The following ZFR variants were observed in gnomAD, a reference collection of about 807,000 sequenced individuals.
ZFR encodes zinc finger RNA binding protein.
A neutral mutation model predicts 130.7 loss-of-function variants in ZFR; 19 were observed. The observed-to-expected ratio is 0.15, with a 90% CI of 0.10 to 0.21. The LOEUF is 0.21. Among genes scored for constraint, ZFR ranks in the 10% least tolerant of loss-of-function variants. The pLI, the probability that ZFR is intolerant of heterozygous loss-of-function variation, is 1.00. For missense variants in ZFR, 872 were observed against 1,321.5 expected, an observed-to-expected ratio of 0.66 and a Z score of 5.27; for synonymous variants, 466 against 456.9, an observed-to-expected ratio of 1.02 and a Z score of -0.25.
chr5:32,406,645 C>G, intron 6 of ZFR, 129 bp downstream of exon 6: 1 of 1,291,828 alleles, frequency 7.7e-7, no homozygotes, highest in Non-Finnish European at 1.0e-6. Context: ...ATACAAGTAA[C>G]TTAAAAAATG....
intron 19 of ZFR, among the ~76,000 whole-genome samples, chr5:32,363,716 C>A (rs1226434284): frequency 6.6e-6 from 1 of 152,038 alleles, no homozygotes; most frequent in South Asian, 2.1e-4. Context: ...TTATAATATA[C>A]AATACACTTA....
At chr5:32,436,522 C>A (rs1239786242) in intron 2 of ZFR, among the ~76,000 whole-genome samples, 1 of 152,130 alleles carries the variant, frequency 6.6e-6, no homozygotes, top group Non-Finnish European at 1.5e-5. Context: ...ATATGCCAGG[C>A]ACTGTACTTT....
At chr5:32,379,751 C>A in intron 16 of ZFR, 1 of 210,820 alleles carries the variant, frequency 4.7e-6, no homozygotes, top group East Asian at 1.1e-4. Flanking sequence ...CAAAGTTAAT[C>A]TGCAGCCTTA....
At chr5:32,392,313 A>G (rs1009417298) in intron 11 of ZFR, among the ~76,000 whole-genome samples, 1 of 152,238 alleles carries the variant, frequency 6.6e-6, no homozygotes, top group Non-Finnish European at 1.5e-5. Flanking sequence ...GAAAGAGGAA[A>G]GCACTGTATA....
At chr5:32,401,835 C>A (rs1037093835) in intron 8 of ZFR, among the ~76,000 whole-genome samples, 2 of 151,940 alleles carry the variant, frequency 1.3e-5, no homozygotes, top group South Asian at 2.1e-4. Context: ...GCAATGGCAA[C>A]GAAGAAGTTT....
chr5:32,420,517 T>C (rs1753929574), intron 2 of ZFR, among the ~76,000 whole-genome samples: 1 of 152,168 alleles, frequency 6.6e-6, no homozygotes, highest in African/African-American at 2.4e-5. Context: ...AAAGAAACCA[T>C]AAGAAAAATA....
chr5:32,361,706 C>T (rs1752437229), intron 19 of ZFR, among the ~76,000 whole-genome samples: 1 of 150,614 alleles, frequency 6.6e-6, no homozygotes, highest in South Asian at 2.1e-4. Flanking sequence ...GCAACCTGTG[C>T]CTCCTGGGTT....
At chr5:32,394,737 A>ATG (rs1334643171) in intron 11 of ZFR, among the ~76,000 whole-genome samples, 3 of 152,206 alleles carry the variant, frequency 2.0e-5, no homozygotes, top group African/African-American at 7.2e-5. Flanking sequence ...ATATATATAT[A>ATG]AACAAATATT....
chr5:32,405,884 T>C (rs1753569866), intron 6 of ZFR, among the ~76,000 whole-genome samples: 1 of 152,124 alleles, frequency 6.6e-6, no homozygotes, highest in Non-Finnish European at 1.5e-5. Context: ...CAGGGAATGT[T>C]AGAAACTGAA....
chr5:32,358,852 T>G (rs2111646438), intron 19 of ZFR, among the ~76,000 whole-genome samples: 1 of 152,272 alleles, frequency 6.6e-6, no homozygotes, highest in East Asian at 1.9e-4. Context: ...AGGCAAACTT[T>G]GGCACTGAAT....
At chr5:32,381,553 T>C (rs1185142160) in intron 15 of ZFR, among the ~76,000 whole-genome samples, 1 of 152,150 alleles carries the variant, frequency 6.6e-6, no homozygotes, top group African/African-American at 2.4e-5. Flanking sequence ...GATAAAAGTA[T>C]GAAAAAGTTA....
At chr5:32,365,321 AG>A (rs1159168917) in intron 17 of ZFR, among the ~76,000 whole-genome samples, 1 of 152,192 alleles carries the variant, frequency 6.6e-6, no homozygotes, top group Non-Finnish European at 1.5e-5. Flanking sequence ...ATTTATCAGA[AG>A]TAAAAACTGC....
intron 5 of ZFR, among the ~76,000 whole-genome samples, chr5:32,412,788 G>T (rs1753739474): frequency 6.6e-6 from 1 of 152,186 alleles, no homozygotes; most frequent in African/African-American, 2.4e-5. Flanking sequence ...TAAGAGAAAG[G>T]AGAGATAAAG....
chr5:32,415,275 G>A (rs1753794808), intron 4 of ZFR, 88 bp from the exon 5 acceptor site: 2 of 1,162,450 alleles, frequency 1.7e-6, no homozygotes, highest in South Asian at 3.0e-5. Flanking sequence ...GAAAGAATAG[G>A]TACAAACATC....
chr5:32,398,907 C>T (rs1282237020), intron 9 of ZFR, among the ~76,000 whole-genome samples: 4 of 151,892 alleles, frequency 2.6e-5, no homozygotes, highest in Admixed American at 1.3e-4. Flanking sequence ...CAATTACAGG[C>T]GTGAGCCACT....
chr5:32,409,249 C>T (rs1753646260), intron 5 of ZFR, among the ~76,000 whole-genome samples: 1 of 152,106 alleles, frequency 6.6e-6, no homozygotes, highest in Admixed American at 6.5e-5. Flanking sequence ...GGTCAGTTTA[C>T]CAGTTTTCAG....
chr5:32,391,295 C>A lies in ZFR; in HGVS notation c.1980-858G>T, dbSNP rs552807206. ...CATATACAGGGTTTGGTACAACCTG[C>A]GATTTTAGGTATCCACTGGTGGTCT... On this transcript the variant is annotated intron_variant, in intron 11 of 19. Coordinates refer to ENST00000265069, the MANE Select transcript of ZFR (RefSeq NM_016107.5). Among the ~76,000 whole-genome samples, 6 of 152,268 alleles carry A rather than the reference C, an allele frequency of 3.9e-5. No individual in the cohort carries two copies. The South Asian group carries it at 6.2e-4, about 16-fold the overall frequency.
chr5:32,410,219 T>C (rs1191117478), intron 5 of ZFR, among the ~76,000 whole-genome samples: 2 of 137,966 alleles, frequency 1.4e-5, no homozygotes, highest in Non-Finnish European at 3.0e-5. Flanking sequence ...AAGGTGGAGG[T>C]TGCAGTGAGC....
chr5:32,444,731 C>T lies in ZFR; in HGVS notation c.-73G>A. 10 of 1,485,888 alleles carry T rather than the reference C, an allele frequency of 6.7e-6. 1 individual carries two copies. In the South Asian group the frequency reaches 9.2e-5, roughly 14 times the overall value. 92.0% of individuals were successfully genotyped at this position (1,485,888 alleles called of 1,614,324 possible). A position where few individuals can be genotyped will look rare whatever the true frequency, so the allele number is the denominator to read the frequency against. ...CCTCCTCTGCCCCGCTCCTCCTCAG[C>T]GGAGAACAGACCGCCGCCTCCGACC... On this transcript the variant is annotated 5_prime_UTR_variant, in exon 1 of 20. Transcript: ENST00000265069.
Sources: allele counts gnomAD v4.1 joint callset (sites outside exome capture counted in the v4.1 genomes callset), GRCh38; gene constraint gnomAD v4.1.1; transcripts MANE v1.5; gene names NCBI Gene and HGNC (gene_info 2026-07-23, HGNC 2026-07-21).